The following SWAP70 variants were observed in gnomAD, a reference collection of about 807,000 sequenced individuals.
SWAP70 encodes the protein switching B cell complex subunit SWAP70.
In SWAP70, 34 loss-of-function variants were observed where a neutral mutation model predicts 80.2. The ratio of observed to expected loss-of-function variants is 0.42; its 90% confidence interval spans 0.32 to 0.56. SWAP70 has a LOEUF of 0.56. Ranked by LOEUF, SWAP70 falls within the 20% of genes least tolerant of loss-of-function variation. SWAP70 has a pLI of 0.09. For missense variants in SWAP70, 578 were observed against 690.7 expected (o/e 0.84, Z 1.83); for synonymous variants, 239 against 238.5 (o/e 1.00, Z -0.02).
chr11:9,715,717 G>T (rs1034767075), intron 3 of SWAP70, among the ~76,000 whole-genome samples: 3 of 152,116 alleles, frequency 2.0e-5, no homozygotes, highest in Non-Finnish European at 2.9e-5. Context: ...TCGCTATTAC[G>T]AGAACAGCAC....
At chr11:9,706,355 A>C (rs895551107) in intron 2 of SWAP70, among the ~76,000 whole-genome samples, 3 of 148,604 alleles carry the variant, frequency 2.0e-5, no homozygotes, top group African/African-American at 7.8e-5. Context: ...ATCTGTATAC[A>C]CTGGTGATCT....
At chr11:9,715,835 GC>G (rs1180218377) in intron 3 of SWAP70, among the ~76,000 whole-genome samples, 1 of 152,156 alleles carries the variant, frequency 6.6e-6, no homozygotes, top group Non-Finnish European at 1.5e-5. Flanking sequence ...CCATATCACT[GC>G]CCCAGAACTC....
intron 1 of SWAP70, among the ~76,000 whole-genome samples, chr11:9,679,964 C>A (rs531216384): frequency 6.6e-6 from 1 of 152,162 alleles, no homozygotes. Context: ...CCACTGCACG[C>A]GGCCTGCTTT....
In SWAP70 at chr11:9,665,071, G is replaced by A. The variant is rs570969382; in HGVS notation, c.99+793G>A. Among the ~76,000 whole-genome samples the A allele has an allele frequency of 4.6e-5, 7 of 152,282 alleles. No individual in the cohort carries two copies. The East Asian group carries it at 7.7e-4, about 17-fold the overall frequency. ...TGAGTAACCCCAAGCAGCGAAATTG[G>A]CATTAAGCCAGCAGAAATTGGCAGC... On this transcript the variant is annotated intron_variant, in intron 1 of 11. Transcript: ENST00000318950.
chr11:9,670,785 G>A (rs1240834074), intron 1 of SWAP70, among the ~76,000 whole-genome samples: 1 of 151,540 alleles, frequency 6.6e-6, no homozygotes, highest in Non-Finnish European at 1.5e-5. Context: ...GCGGAGTCTT[G>A]CTCTATCACC....
At chr11:9,680,714 T>G (rs2134432920) in intron 1 of SWAP70, among the ~76,000 whole-genome samples, 1 of 152,318 alleles carries the variant, frequency 6.6e-6, no homozygotes, top group South Asian at 2.1e-4. Flanking sequence ...AAATACCGAT[T>G]ACATGTTTAA....
At chr11:9,707,074 T>C (rs1256416369) in intron 2 of SWAP70, among the ~76,000 whole-genome samples, 1 of 152,192 alleles carries the variant, frequency 6.6e-6, no homozygotes, top group Non-Finnish European at 1.5e-5. Flanking sequence ...TTTATTTTGT[T>C]TGACATTATA....
intron 3 of SWAP70, among the ~76,000 whole-genome samples, chr11:9,723,254 A>T (rs558039594): frequency 2.0e-5 from 3 of 152,304 alleles, no homozygotes; most frequent in Non-Finnish European, 4.4e-5. Context: ...GCTGCCTGGG[A>T]CAAAGTTTTA....
At chr11:9,672,617 A>G (rs1007572870) in intron 1 of SWAP70, among the ~76,000 whole-genome samples, 3 of 138,054 alleles carry the variant, frequency 2.2e-5, no homozygotes, top group Admixed American at 8.3e-5. Context: ...CAAGCAGTCC[A>G]TCCACCTACA....
intron 3 of SWAP70, among the ~76,000 whole-genome samples, chr11:9,723,831 G>A (rs1314406054): frequency 1.4e-5 from 2 of 147,000 alleles, no homozygotes; most frequent in Non-Finnish European, 3.0e-5. Flanking sequence ...GGAGTGCAGT[G>A]GCACAATCGC....
At chr11:9,667,249 T>TGAGA (rs555327465) in intron 1 of SWAP70, among the ~76,000 whole-genome samples, 1 of 151,578 alleles carries the variant, frequency 6.6e-6, no homozygotes, top group Non-Finnish European at 1.5e-5. Flanking sequence ...TGTGTGTGTG[T>TGAGA]GAGAGAGAGA....
At chr11:9,707,557 C>T (rs113241015) in intron 2 of SWAP70, among the ~76,000 whole-genome samples, 1,587 of 64,438 alleles carry the variant, frequency 0.025, 64 homozygotes, top group Non-Finnish European at 0.027. Flanking sequence ...TTTTTCTTTT[C>T]TTTTTTTTTT....
At chr11:9,694,398 C>A in intron 2 of SWAP70, 112 bp downstream of exon 2, 1 of 1,203,940 alleles carries the variant, frequency 8.3e-7, no homozygotes, top group Non-Finnish European at 1.1e-6. Flanking sequence ...CAAAGAATCA[C>A]TAGATAAACC....
intron 6 of SWAP70, among the ~76,000 whole-genome samples, chr11:9,731,515 A>G (rs1360059464): frequency 6.6e-6 from 1 of 152,228 alleles, no homozygotes; most frequent in African/African-American, 2.4e-5. Context: ...CTAGCTATCT[A>G]TTAATAGGGA....
intron 2 of SWAP70, among the ~76,000 whole-genome samples, chr11:9,708,730 C>T (rs1850955626): frequency 6.6e-6 from 1 of 152,158 alleles, no homozygotes; most frequent in African/African-American, 2.4e-5. Context: ...GTGCACATGT[C>T]ATTTCCCCTG....
At chr11:9,695,454 G>A (rs1169573643) in intron 2 of SWAP70, among the ~76,000 whole-genome samples, 1 of 152,140 alleles carries the variant, frequency 6.6e-6, no homozygotes, top group African/African-American at 2.4e-5. Context: ...AAAAGAGTGA[G>A]ATCATGTCCT....
chr11:9,664,355 CTGGCGGGCCGT>C, intron 1 of SWAP70, 77 bp downstream of exon 1: 1 of 1,472,318 alleles, frequency 6.8e-7, no homozygotes. Flanking sequence ...GAAGCGGGAC[CTGGCGGGCCGT>C]GACCGCAGGG....
At chr11:9,727,930 A>C in intron 4 of SWAP70, 123 bp from the exon 5 acceptor site, 1 of 986,002 alleles carries the variant, frequency 1.0e-6, no homozygotes, top group South Asian at 1.9e-5. Context: ...ATCCAAGAAC[A>C]ATTGGTGTTC....
intron 6 of SWAP70, among the ~76,000 whole-genome samples, chr11:9,731,439 G>T (rs1159453960): frequency 6.6e-6 from 1 of 152,084 alleles, no homozygotes; most frequent in Non-Finnish European, 1.5e-5. Flanking sequence ...TTGTGGTGAG[G>T]ATTAGAAAAT....
Sources: gnomAD v4.1 joint callset for allele counts (sites outside exome capture counted in the v4.1 genomes callset) on GRCh38, gnomAD v4.1.1 for gene constraint, MANE v1.5 for transcripts, NCBI Gene and HGNC (gene_info 2026-07-23, HGNC 2026-07-21) for gene names.